The following TKFC variants were observed in gnomAD, a reference collection of about 807,000 sequenced individuals.
TKFC encodes the protein triokinase/FMN cyclase.
Under a neutral mutation model 61.0 loss-of-function variants are expected in TKFC, and 46 were observed. The ratio of observed to expected loss-of-function variants is 0.75; its 90% CI spans 0.60 to 0.96. The LOEUF (loss-of-function observed/expected upper bound fraction) is 0.96. Among genes scored for constraint, TKFC ranks in the 50% least tolerant of loss-of-function variants. The pLI, the probability that TKFC is intolerant of heterozygous loss-of-function variation, is 0.00. For missense variants in TKFC, 715 were observed against 777.5 expected, an observed-to-expected ratio of 0.92 and a Z score of 0.96; for synonymous variants, 314 against 330.1, an observed-to-expected ratio of 0.95 and a Z score of 0.53.
chr11:61,345,111 C>T, intron 13 of TKFC, 149 bp from the exon 14 acceptor site: 1 of 685,872 alleles, frequency 1.5e-6, no homozygotes, highest in Non-Finnish European at 2.4e-6. Flanking sequence ...AGCCCCTCTC[C>T]AGACTGCACA....
Position 61,346,622 on chromosome 11 carries a change from C to G in TKFC, c.*119C>G. On this transcript the variant is annotated 3_prime_UTR_variant, in exon 18 of 18. Transcript: ENST00000394900. This position sits in a 1 kb window ranked among gnomAD's most constrained non-coding sequence, Gnocchi z 4.1. ...CCCGGCCTGGCCCCATTGGCCCACCCTCTAAGTTGAGCAGGAAATCCTCCA... is the reference window on the plus strand; with the variant it reads ...CCCGGCCTGGCCCCATTGGCCCACCGTCTAAGTTGAGCAGGAAATCCTCCA... 1 of 1,486,438 alleles carries G rather than the reference C, an allele frequency of 6.7e-7. No homozygotes were observed. The highest frequency in any genetic ancestry group is 8.9e-7 in the Non-Finnish European group (1 of 1,124,838). 92.1% of individuals were successfully genotyped at this position (1,486,438 alleles called of 1,614,324 possible). A position where few individuals can be genotyped will look rare whatever the true frequency, so the allele number is the denominator to read the frequency against.
In TKFC at chr11:61,343,255, C is replaced by G. The variant is rs957086393; in HGVS notation, c.866-87C>G. 117 of 1,274,882 alleles carry G rather than the reference C, an allele frequency of 9.2e-5. No individual in the cohort carries two copies. In the Middle Eastern group the frequency reaches 1.5e-3, roughly 17 times the overall value. The allele number at this position is 1,274,882 out of a possible 1,614,324, so 79.0% of individuals were successfully genotyped here. On this transcript the variant is annotated intron_variant, in intron 10 of 17. Coordinates refer to ENST00000394900, the MANE Select transcript of TKFC (RefSeq NM_015533.4). ...ACATCTCCCTCCCGACCTCAGAGCCCCAGCTTCCAAGGTCCTTGCTTTTCT... is the reference window on the plus strand; with the variant it reads ...ACATCTCCCTCCCGACCTCAGAGCCGCAGCTTCCAAGGTCCTTGCTTTTCT...
chr11:61,350,519 C>A, downstream of TKFC: 2 of 1,495,260 alleles, frequency 1.3e-6, no homozygotes, highest in South Asian at 2.4e-5. Context: ...GCAGGGTGGT[C>A]CCCATCCAAG....
rs890628917 is a variant in TKFC at position 61,333,289 on chromosome 11, C to T, written c.-150C>T. On this transcript the variant is annotated 5_prime_UTR_variant, in exon 1 of 18. Transcript: ENST00000394900. ...TCGGGGTCTCCGGGAAGTCGCGGCG[C>T]CTTCGGATGTGGCGGATGCGGCCGT... 1.2e-5 allele frequency: 3 copies of T among 243,502 alleles called. No homozygotes were observed. The Admixed American group carries it at 1.7e-4, about 14-fold the overall frequency. 15.1% of individuals were successfully genotyped at this position (243,502 alleles called of 1,614,324 possible). A position where few individuals can be genotyped will look rare whatever the true frequency, so the allele number is the denominator to read the frequency against.
chr11:61,349,500 C>G, downstream of TKFC: 2 of 701,498 alleles, frequency 2.9e-6, no homozygotes, highest in Non-Finnish European at 2.6e-6. Context: ...ACAGCCACCT[C>G]TGTTACTCAT....
Position 61,346,534 on chromosome 11 carries a change from C to G in TKFC, c.*31C>G. The G allele has an allele frequency of 6.4e-7, 1 of 1,569,686 alleles. No homozygotes were observed. Among genetic ancestry groups the G allele is most frequent in the Non-Finnish European group, 8.6e-7 (1 of 1,158,138 alleles). ...GTGACTGCCTCCCTTGGCCTCAGCT[C>G]CTCTCACTGCTGTGCTGAGGTGGCC... is the stretch of plus-strand genomic sequence containing the variant. On this transcript the variant is annotated 3_prime_UTR_variant, in exon 18 of 18. Transcript: ENST00000394900. The surrounding 1 kb of genome is among the most constrained non-coding windows in gnomAD (Gnocchi z 4.1).
At chr11:61,341,005 G>C (rs189406444) in intron 5 of TKFC, among the ~76,000 whole-genome samples, 1 of 152,212 alleles carries the variant, frequency 6.6e-6, no homozygotes, top group Non-Finnish European at 1.5e-5. Context: ...CTGTGACTTA[G>C]TCGCCTTTTT....
chr11:61,340,761 T>C (rs370430873), intron 5 of TKFC, among the ~76,000 whole-genome samples: 6 of 152,338 alleles, frequency 3.9e-5, no homozygotes, highest in African/African-American at 1.2e-4. Context: ...ATTCTTTCCT[T>C]GTCCAGCCTC....
intron 9 of TKFC, 40 bp downstream of exon 9, chr11:61,342,698 A>G: frequency 6.2e-7 from 1 of 1,612,268 alleles, no homozygotes; most frequent in South Asian, 1.1e-5. Context: ...CCCCTCCTAA[A>G]CCTCTGGGGA....
In TKFC at chr11:61,334,620, G is replaced by C; in HGVS notation, c.-109G>C. 1 of 1,451,974 alleles carries C rather than the reference G, an allele frequency of 6.9e-7. No homozygotes were observed. The highest frequency in any genetic ancestry group is 9.6e-7 in the Non-Finnish European group (1 of 1,041,458). The allele number at this position is 1,451,974 out of a possible 1,614,324, so 89.9% of individuals were successfully genotyped here. On this transcript the variant is annotated splice_region_variant and 5_prime_UTR_variant, in exon 2 of 18. Transcript: ENST00000394900. The stretch of plus-strand genomic sequence containing the variant: ...CTTGTATCGTTACCCACTCCTGCAG[G>C]TGCTGCTGCTGCCTCCACTGTACTC...
chr11:61,348,152 A>G lies in TKFC; in HGVS notation c.*1649A>G. 2 of 985,406 alleles carry G rather than the reference A, an allele frequency of 2.0e-6. No individual in the cohort carries two copies. The highest frequency in any genetic ancestry group is 2.4e-6 in the Non-Finnish European group (2 of 829,928). The allele number at this position is 985,406 out of a possible 1,614,324, so 61.0% of individuals were successfully genotyped here. A position where few individuals can be genotyped will look rare whatever the true frequency, so the allele number is the denominator to read the frequency against. ...CAGCTGGGAAGGAGGCTGACCTCAGACGGTGGCCTGTGGATCCCAGCTCTG... is the reference window on the plus strand; with the variant it reads ...CAGCTGGGAAGGAGGCTGACCTCAGGCGGTGGCCTGTGGATCCCAGCTCTG... On this transcript the variant is annotated 3_prime_UTR_variant, in exon 18 of 18. Coordinates refer to ENST00000394900, the MANE Select transcript of TKFC (RefSeq NM_015533.4).
downstream of TKFC, chr11:61,353,404 G>A: frequency 5.0e-6 from 3 of 605,374 alleles, no homozygotes; most frequent in Admixed American, 2.6e-5. Context: ...TCCAGTCCTT[G>A]CTCATAAAAC....
At chr11:61,350,058 T>TGACGCCAAGGAGTGCA, downstream of TKFC, 1 of 516,120 alleles carries the variant, frequency 1.9e-6, no homozygotes. Flanking sequence ...CCTGAGAGGC[T>TGACGCCAAGGAGTGCA]GACGCCAAGG....
intron 14 of TKFC, 40 bp downstream of exon 14, chr11:61,345,406 T>G: frequency 6.3e-7 from 1 of 1,597,868 alleles, no homozygotes; most frequent in Admixed American, 1.7e-5. Context: ...GGGAGGTGGC[T>G]GGGCTGGCTG....
At position 61,343,909 on chromosome 11, in the gene TKFC, G is replaced by A. The variant is rs770693680; in HGVS notation, c.1036G>A (p.Gly346Arg). ...WPNVAAVSIT[G>R]RKRSRVAPAE... is the part of the protein sequence containing the mutation. ...TAACGTGGCTGCAGTCTCCATTACTGGGCGGAAGCGGAGCCGGGTAGCCCC... is the reference window on the plus strand; with the variant it reads ...TAACGTGGCTGCAGTCTCCATTACTAGGCGGAAGCGGAGCCGGGTAGCCCC... The change falls in exon 12 of 18, where the codon GGG (glycine) becomes AGG (arginine). Residue 346 changes from glycine to arginine, a missense_variant. By Grantham distance (125) the Gly-to-Arg change is moderately radical. Transcript: ENST00000394900. The A allele has an allele frequency of 2.5e-5, 40 of 1,611,086 alleles. No homozygotes were observed. In the Admixed American group the frequency reaches 6.5e-4, roughly 26 times the overall value.
Position 61,346,129 on chromosome 11 carries a change from C to A in TKFC, c.1575+183C>A. On this transcript the variant is annotated intron_variant, in intron 17 of 17. Transcript: ENST00000394900. This position sits in a 1 kb window ranked among gnomAD's most constrained non-coding sequence, Gnocchi z 4.1. ...CTAAGGAAATATGTAGAGCCCCGCA[C>A]ACTGCCTGGGATGTGACAGGGCCTC... 1 of 1,195,808 alleles carries A rather than the reference C, an allele frequency of 8.4e-7. No individual in the cohort carries two copies. The highest frequency in any genetic ancestry group is 1.1e-6 in the Non-Finnish European group (1 of 872,476). 74.1% of individuals were successfully genotyped at this position (1,195,808 alleles called of 1,614,324 possible). A position where few individuals can be genotyped will look rare whatever the true frequency, so the allele number is the denominator to read the frequency against.
At chr11:61,345,978 G>A (rs777486996) in intron 17 of TKFC, 32 bp downstream of exon 17, 1 of 1,604,714 alleles carries the variant, frequency 6.2e-7, no homozygotes, top group East Asian at 2.2e-5. Context: ...CACCTGGGGA[G>A]ACAGGCTTCT....
Position 61,343,949 on chromosome 11 carries a change from AG to A in TKFC, c.1078del (p.Ala360ProfsTer33). 6.2e-7 allele frequency: 1 copy of A among 1,611,660 alleles called. No homozygotes were observed. The highest frequency in any genetic ancestry group is 1.7e-5 in the Admixed American group (1 of 60,024). ...CGGGTAGCCCCTGCCGAGCCCCAGGAGGCCCCTGATTCCACTGCTGCAGGAG... is the reference window on the plus strand; with the variant it reads ...CGGGTAGCCCCTGCCGAGCCCCAGGAGCCCCTGATTCCACTGCTGCAGGAG... Reference protein sequence around the residue: ...RSRVAPAEPQEAPDSTAAGGS... With the variant: ...RSRVAPAEPQXAPDSTAAGGS... On this transcript the variant is annotated frameshift_variant, in exon 12 of 18. Coordinates refer to ENST00000394900, the MANE Select transcript of TKFC (RefSeq NM_015533.4). LOFTEE classifies it high-confidence loss of function.
In TKFC at chr11:61,346,128, A is replaced by G. The variant is rs1197825188; in HGVS notation, c.1575+182A>G. On this transcript the variant is annotated intron_variant, in intron 17 of 17. Transcript: ENST00000394900. The surrounding 1 kb of genome is among the most constrained non-coding windows in gnomAD (Gnocchi z 4.1). ...GCTAAGGAAATATGTAGAGCCCCGC[A>G]CACTGCCTGGGATGTGACAGGGCCT... 1 of 1,191,320 alleles carries G rather than the reference A, an allele frequency of 8.4e-7. No homozygotes were observed. The highest frequency in any genetic ancestry group is 1.5e-5 in the African/African-American group (1 of 65,200). The allele number at this position is 1,191,320 out of a possible 1,614,324, so 73.8% of individuals were successfully genotyped here.
Sources: gnomAD v4.1 joint callset for allele counts (sites outside exome capture counted in the v4.1 genomes callset) on GRCh38, gnomAD v4.1.1 for gene constraint, Gnocchi (gnomAD v3.1) non-coding constraint, MANE v1.5 for transcripts, NCBI Gene and HGNC (gene_info 2026-07-23, HGNC 2026-07-21) for gene names.